The following SV2B variants were observed in gnomAD, a reference collection of about 807,000 sequenced individuals.
SV2B encodes the protein synaptic vesicle glycoprotein 2B.
A neutral mutation model predicts 73.9 loss-of-function variants in SV2B; 41 were observed. The observed-to-expected ratio is 0.56, with a 90% confidence interval of 0.43 to 0.72. The LOEUF is 0.72. Among genes scored for constraint, SV2B ranks in the 30% least tolerant of loss-of-function variants. The pLI, the probability that SV2B is intolerant of heterozygous loss-of-function variation, is 0.00. For missense variants in SV2B, 764 were observed against 857.8 expected (o/e 0.89, Z 1.37); for synonymous variants, 314 against 314.2 (o/e 1.00, Z 0.01).
In SV2B at chr15:91,115,518, C is replaced by G. The variant is rs959504913; in HGVS notation, c.-392+15155C>G. Among the ~76,000 whole-genome samples the G allele has an allele frequency of 6.6e-6, 1 of 151,896 alleles. No homozygotes were observed. Among genetic ancestry groups the G allele is most frequent in the African/African-American group, 2.4e-5 (1 of 41,332 alleles). ...TCCTGAGTAGCTGGGACCACAGGCA[C>G]CCACCATCATGCCTGGCTATTTTTT... On this transcript the variant is annotated intron_variant, in intron 1 of 12. Transcript: ENST00000394232. The surrounding 1 kb of genome is among the most constrained non-coding windows in gnomAD (Gnocchi z 4.3).
At position 91,252,658 on chromosome 15, in the gene SV2B, C is replaced by A; in HGVS notation, c.784+138C>A. 1.1e-6 allele frequency: 1 copy of A among 920,496 alleles called. No individual in the cohort carries two copies. The allele number at this position is 920,496 out of a possible 1,614,324, so 57.0% of individuals were successfully genotyped here. Reference sequence around the variant, plus strand: ...TGACCTTGATCTTTCTTAACAACTTCTAACATTGCAGACACATTGTTAATT... The same window carrying A: ...TGACCTTGATCTTTCTTAACAACTTATAACATTGCAGACACATTGTTAATT... On this transcript the variant is annotated intron_variant, in intron 4 of 12. Coordinates refer to ENST00000394232, the MANE Select transcript of SV2B (RefSeq NM_001323032.3). This position sits in a 1 kb window ranked among gnomAD's most constrained non-coding sequence, Gnocchi z 4.6.
chr15:91,161,780 T>G (rs2043727396), intron 1 of SV2B, among the ~76,000 whole-genome samples: 1 of 152,198 alleles, frequency 6.6e-6, no homozygotes. Flanking sequence ...AAACAACAAG[T>G]GTGTTAATCT....
chr15:91,198,650 C>T (rs2045347386), intron 1 of SV2B, among the ~76,000 whole-genome samples: 1 of 152,234 alleles, frequency 6.6e-6, no homozygotes, highest in South Asian at 2.1e-4. Context: ...CTTTGGATAA[C>T]TGGGCCCAGG....
chr15:91,195,350 A>G (rs1055526238), intron 1 of SV2B, among the ~76,000 whole-genome samples: 3 of 152,144 alleles, frequency 2.0e-5, no homozygotes, highest in Non-Finnish European at 2.9e-5. Context: ...TGTAGAGACA[A>G]GGTATCACTG....
chr15:91,149,939 G>C (rs1235010689), intron 1 of SV2B, among the ~76,000 whole-genome samples: 2 of 152,174 alleles, frequency 1.3e-5, no homozygotes, highest in African/African-American at 4.8e-5. Context: ...AAGTTCTTCT[G>C]ATGGGAGTAT....
intron 10 of SV2B, among the ~76,000 whole-genome samples, chr15:91,282,896 G>C (rs964270837): frequency 3.9e-5 from 6 of 152,168 alleles, no homozygotes; most frequent in African/African-American, 1.4e-4. Context: ...ACAATAATGA[G>C]TTCCGGAAGT....
intron 1 of SV2B, among the ~76,000 whole-genome samples, chr15:91,221,693 G>GCGCACGCGCA (rs370290337): frequency 7.1e-6 from 1 of 140,068 alleles, no homozygotes; most frequent in African/African-American, 2.8e-5. Flanking sequence ...AAGCATGTGC[G>GCGCACGCGCA]CACACACACA....
Position 91,236,697 on chromosome 15 carries a change from C to T in SV2B, c.451+9983C>T, listed in dbSNP as rs919319139. On this transcript the variant is annotated intron_variant, in intron 2 of 12. Coordinates refer to ENST00000394232, the MANE Select transcript of SV2B (RefSeq NM_001323032.3). This position sits in a 1 kb window ranked among gnomAD's most constrained non-coding sequence, Gnocchi z 4.1. ...ACATATACTCCCCGTAGAACCAAAA[C>T]CTCCATGCCATTTACTTTGCTTATA... 7.9e-5 allele frequency among the ~76,000 whole-genome samples: 12 copies of T among 152,108 alleles called. No individual in the cohort carries two copies. The highest frequency in any genetic ancestry group is 1.0e-4 in the Non-Finnish European group (7 of 68,032).
chr15:91,146,058 TTCCTTTG>T (rs2043137592), intron 1 of SV2B, among the ~76,000 whole-genome samples: 1 of 152,212 alleles, frequency 6.6e-6, no homozygotes, highest in South Asian at 2.1e-4. Context: ...TCTTTGCCCA[TTCCTTTG>T]TCCAGACTGG....
chr15:91,278,630 G>A (rs921384515), intron 9 of SV2B, among the ~76,000 whole-genome samples: 3 of 106,596 alleles, frequency 2.8e-5, no homozygotes, highest in African/African-American at 1.5e-4. Context: ...AGTGAGCCGA[G>A]ATTGCGCCAC....
At chr15:91,287,994 C>T (rs76220865) in intron 11 of SV2B, among the ~76,000 whole-genome samples, 236 of 152,160 alleles carry the variant, frequency 1.6e-3, no homozygotes, top group African/African-American at 4.7e-3. Flanking sequence ...CTTCTACCCC[C>T]GGGGAGGAGT....
At chr15:91,207,103 T>G (rs1057233983) in intron 1 of SV2B, among the ~76,000 whole-genome samples, 1 of 151,656 alleles carries the variant, frequency 6.6e-6, no homozygotes, top group Non-Finnish European at 1.5e-5. Context: ...TAGCTCTCAC[T>G]GCAGTCTTCC....
rs529682850 is a variant in SV2B, at chr15:91,115,944, C to G, written c.-392+15581C>G. The stretch of plus-strand genomic sequence containing the variant: ...AGAAGTTTGTAAAGAAGCTTTGTTT[C>G]ACATACACCTTAACAGAGTACATGC... On this transcript the variant is annotated intron_variant, in intron 1 of 12. Transcript: ENST00000394232. The surrounding 1 kb of genome is among the most constrained non-coding windows in gnomAD (Gnocchi z 4.3). Among the ~76,000 whole-genome samples the G allele has an allele frequency of 2.0e-5, 3 of 152,194 alleles. No individual in the cohort carries two copies. The highest frequency in any genetic ancestry group is 6.5e-5 in the Admixed American group (1 of 15,284).
At chr15:91,182,088 T>C (rs1432892779) in intron 1 of SV2B, among the ~76,000 whole-genome samples, 1 of 152,148 alleles carries the variant, frequency 6.6e-6, no homozygotes, top group Non-Finnish European at 1.5e-5. Flanking sequence ...GGCCTTCTGA[T>C]AAAAAGTGCA....
rs769294570 is a variant in SV2B, at chr15:91,267,653, G to C, written c.1208+10G>C. 2 of 1,606,980 alleles carry C rather than the reference G, an allele frequency of 1.2e-6. No individual in the cohort carries two copies. The highest frequency in any genetic ancestry group is 4.5e-5 in the East Asian group (2 of 44,864). On this transcript the variant is annotated intron_variant, in intron 8 of 12. Coordinates refer to ENST00000394232, the MANE Select transcript of SV2B (RefSeq NM_001323032.3). The surrounding 1 kb of genome is among the most constrained non-coding windows in gnomAD (Gnocchi z 4.3). ...TTGCCATGGCATTCAGGTAAGTTCT[G>C]TCTTACTTAAATTTCGTAATTCCCT...
chr15:91,252,549 G>C lies in SV2B; in HGVS notation c.784+29G>C, dbSNP rs560725776. ...AGTCATGGCTCCAAACAGCCTAGGG[G>C]GCCCTGTTTCTATGGCTCCTGCACC... On this transcript the variant is annotated intron_variant, in intron 4 of 12. Coordinates refer to ENST00000394232, the MANE Select transcript of SV2B (RefSeq NM_001323032.3). The surrounding 1 kb of genome is among the most constrained non-coding windows in gnomAD (Gnocchi z 4.6). The C allele has an allele frequency of 5.1e-6, 8 of 1,557,184 alleles. No individual in the cohort carries two copies. Among genetic ancestry groups the C allele is most frequent in the Non-Finnish European group, 7.0e-6 (8 of 1,150,878 alleles).
chr15:91,296,531 T>A lies in SV2B; in HGVS notation c.*3979T>A, dbSNP rs948705165. 1.0e-4 allele frequency: 15 copies of A among 148,344 alleles called. No homozygotes were observed. The highest frequency in any genetic ancestry group is 3.5e-4 in the African/African-American group (14 of 39,626). 9.2% of individuals were successfully genotyped at this position (148,344 alleles called of 1,614,324 possible). On this transcript the variant is annotated 3_prime_UTR_variant, in exon 13 of 13. Coordinates refer to ENST00000394232, the MANE Select transcript of SV2B (RefSeq NM_001323032.3). ...CTGCCTGATCATGGGCGCACGTTCC[T>A]TCTGCCTGATCGTTGGGAGCACACT...
At chr15:91,196,684 G>C (rs1442872952) in intron 1 of SV2B, among the ~76,000 whole-genome samples, 1 of 152,172 alleles carries the variant, frequency 6.6e-6, no homozygotes, top group Non-Finnish European at 1.5e-5. Flanking sequence ...AGACAGAAAG[G>C]AAGAAAAATC....
chr15:91,290,254 G>A lies in SV2B; in HGVS notation c.1868+574G>A, dbSNP rs945085569. Among the ~76,000 whole-genome samples the A allele has an allele frequency of 6.6e-6, 1 of 152,174 alleles. No individual in the cohort carries two copies. Among genetic ancestry groups the A allele is most frequent in the South Asian group, 2.1e-4 (1 of 4,826 alleles). The stretch of plus-strand genomic sequence containing the variant: ...GTAAAGTTTAAAGGAGAAGATAAGA[G>A]GCCCTGTGGTCAAAAAGGAATGTGA... On this transcript the variant is annotated intron_variant, in intron 12 of 12. Coordinates refer to ENST00000394232, the MANE Select transcript of SV2B (RefSeq NM_001323032.3). The surrounding 1 kb of genome is among the most constrained non-coding windows in gnomAD (Gnocchi z 4.7).
Sources: gnomAD v4.1 joint callset for allele counts (sites outside exome capture counted in the v4.1 genomes callset) on GRCh38, gnomAD v4.1.1 for gene constraint, Gnocchi (gnomAD v3.1) non-coding constraint, MANE v1.5 for transcripts, NCBI Gene and HGNC (gene_info 2026-07-23, HGNC 2026-07-21) for gene names.